Variants in ZNF521 observed in about 807,000 individuals in gnomAD.
ZNF521 encodes LYST-interacting protein 3.
A neutral mutation model predicts 105.5 loss-of-function variants in ZNF521; 14 were observed. The ratio of observed to expected loss-of-function variants is 0.13; its 90% CI spans 0.09 to 0.21. The LOEUF (loss-of-function observed/expected upper bound fraction) is 0.21, where lower values mean the gene tolerates loss of function less well. Ranked by LOEUF, ZNF521 falls within the 10% of genes least tolerant of loss-of-function variation. ZNF521 has a pLI of 1.00. For synonymous variants in ZNF521, 635 were observed against 606.0 expected, an observed-to-expected ratio of 1.05 and a Z score of -0.70; for missense variants, 1,233 against 1,629.7, an observed-to-expected ratio of 0.76 and a Z score of 4.19.
chr18:25,141,474 T>C (rs1461064844), intron 5 of ZNF521, among the ~76,000 whole-genome samples: 1 of 152,106 alleles, frequency 6.6e-6, no homozygotes, highest in Admixed American at 6.6e-5. Context: ...GCACAGAAAA[T>C]GGAAATTTGG....
At chr18:25,349,130 C>T (rs1189509608) in intron 2 of ZNF521, among the ~76,000 whole-genome samples, 3 of 152,080 alleles carry the variant, frequency 2.0e-5, no homozygotes, top group Non-Finnish European at 4.4e-5. Context: ...GAGCCCTTTC[C>T]ACCGGACAGG....
chr18:25,196,051 T>C (rs1299224804), intron 4 of ZNF521, among the ~76,000 whole-genome samples: 2 of 151,774 alleles, frequency 1.3e-5, no homozygotes, highest in African/African-American at 2.4e-5. Context: ...ATTATAATTT[T>C]ACATCTTTAT....
chr18:25,285,745 C>T lies in ZNF521; in HGVS notation c.220+36263G>A, dbSNP rs546452567. ...ACACACACACACGTACGCGCCTGCG[C>T]GCGCACATGCACGCATGGCTATACA... On this transcript the variant is annotated intron_variant, in intron 3 of 7. Transcript: ENST00000361524. Among the ~76,000 whole-genome samples, 18 of 152,234 alleles carry T rather than the reference C, an allele frequency of 1.2e-4. 1 individual carries two copies. In the South Asian group the frequency reaches 2.7e-3, roughly 23 times the overall value.
intron 3 of ZNF521, among the ~76,000 whole-genome samples, chr18:25,228,988 G>C (rs1038278492): frequency 2.0e-5 from 3 of 152,136 alleles, no homozygotes; most frequent in Non-Finnish European, 2.9e-5. Flanking sequence ...TGGAGCTGGT[G>C]GGGATAGTGT....
intron 3 of ZNF521, among the ~76,000 whole-genome samples, chr18:25,252,121 A>G (rs1908163628): frequency 6.6e-6 from 1 of 152,202 alleles, no homozygotes; most frequent in Non-Finnish European, 1.5e-5. Context: ...TTTGTATAGC[A>G]TTAGCACCCC....
At chr18:25,120,930 G>C (rs2034427905) in intron 5 of ZNF521, among the ~76,000 whole-genome samples, 1 of 152,052 alleles carries the variant, frequency 6.6e-6, no homozygotes, top group Non-Finnish European at 1.5e-5. Context: ...CTGCTGTTCA[G>C]GAAGGTGGTA....
intron 3 of ZNF521, among the ~76,000 whole-genome samples, chr18:25,304,869 T>C (rs942188518): frequency 1.3e-5 from 2 of 152,216 alleles, no homozygotes; most frequent in Admixed American, 6.5e-5. Flanking sequence ...CATTGTCAAA[T>C]ACTGTACATG....
intron 7 of ZNF521, among the ~76,000 whole-genome samples, chr18:25,076,007 G>T (rs779107929): frequency 1.1e-4 from 16 of 152,112 alleles, no homozygotes; most frequent in Non-Finnish European, 1.6e-4. Flanking sequence ...CTGGAAGCCT[G>T]TATAAAACCT....
In ZNF521 at chr18:25,342,574, G is replaced by A. The variant is rs544410443; in HGVS notation, c.40+8333C>T. 1.6e-4 allele frequency among the ~76,000 whole-genome samples: 22 copies of A among 139,068 alleles called. 3 individuals are homozygous for A. The highest frequency in any genetic ancestry group is 1.1e-3 in the East Asian group (5 of 4,630). 91.2% of individuals were successfully genotyped at this position (139,068 alleles called of 152,430 possible). On this transcript the variant is annotated intron_variant, in intron 2 of 7. Coordinates refer to ENST00000361524, the MANE Select transcript of ZNF521 (RefSeq NM_015461.3). ...CTCCCAAGTAGCTGGGACTACAGGC[G>A]CCCGTCACCACGCCCGGCTAATTTT...
At chr18:25,119,964 A>T (rs1427519622) in intron 5 of ZNF521, among the ~76,000 whole-genome samples, 1 of 152,208 alleles carries the variant, frequency 6.6e-6, no homozygotes, top group African/African-American at 2.4e-5. Flanking sequence ...AATTATCAGT[A>T]TATCAAATTA....
chr18:25,240,737 C>T (rs1033317720), intron 3 of ZNF521, among the ~76,000 whole-genome samples: 4 of 151,948 alleles, frequency 2.6e-5, no homozygotes, highest in African/African-American at 9.7e-5. Flanking sequence ...CCAATTAAAT[C>T]AGACTCTCTG....
At chr18:25,103,434 G>C (rs1359547137) in intron 5 of ZNF521, among the ~76,000 whole-genome samples, 1 of 152,058 alleles carries the variant, frequency 6.6e-6, no homozygotes, top group East Asian at 1.9e-4. Context: ...CAAGTACCTG[G>C]ATCATTCCCC....
chr18:25,327,676 G>T (rs1383685429), intron 2 of ZNF521: 1 of 519,032 alleles, frequency 1.9e-6, no homozygotes, highest in Admixed American at 1.9e-5. Flanking sequence ...CTCTAGATAT[G>T]CATTCTAACT....
At chr18:25,278,755 C>A (rs930588741) in intron 3 of ZNF521, among the ~76,000 whole-genome samples, 14 of 138,108 alleles carry the variant, frequency 1.0e-4, no homozygotes, top group Admixed American at 3.0e-4. Context: ...AAAAAAAAAT[C>A]TCTCTTTCTC....
chr18:25,194,198 A>G (rs1459192868), intron 5 of ZNF521, among the ~76,000 whole-genome samples: 1 of 151,746 alleles, frequency 6.6e-6, no homozygotes, highest in African/African-American at 2.4e-5. Flanking sequence ...TCATAGTAGG[A>G]GAGTATGAGG....
intron 5 of ZNF521, among the ~76,000 whole-genome samples, chr18:25,165,971 G>A (rs1567990578): frequency 6.6e-6 from 1 of 152,072 alleles, no homozygotes; most frequent in Admixed American, 6.6e-5. Context: ...TGTTTAATTG[G>A]CTTAAATCAT....
chr18:25,111,396 G>GT (rs1220676718), intron 5 of ZNF521, among the ~76,000 whole-genome samples: 1 of 152,144 alleles, frequency 6.6e-6, no homozygotes, highest in East Asian at 1.9e-4. Flanking sequence ...AAGTCATTGT[G>GT]TTTAACGAAA....
intron 3 of ZNF521, among the ~76,000 whole-genome samples, chr18:25,289,512 G>C (rs932517751): frequency 6.6e-6 from 1 of 152,168 alleles, no homozygotes. Flanking sequence ...AAACTACAAT[G>C]AAGAGCTCGG....
intron 3 of ZNF521, among the ~76,000 whole-genome samples, chr18:25,251,620 C>A (rs1011698922): frequency 1.3e-5 from 2 of 152,178 alleles, no homozygotes; most frequent in African/African-American, 4.8e-5. Context: ...ACAATCAATA[C>A]AAATGCAATA....
Sources: gnomAD v4.1 joint callset for allele counts (sites outside exome capture counted in the v4.1 genomes callset) on GRCh38, gnomAD v4.1.1 for gene constraint, MANE v1.5 for transcripts, NCBI Gene and HGNC (gene_info 2026-07-23, HGNC 2026-07-21) for gene names.